HERC1: variants seen among roughly 807,000 people sequenced by gnomAD.
HERC1 encodes the protein probable E3 ubiquitin-protein ligase HERC1.
In HERC1, 160 loss-of-function variants were observed where a neutral mutation model predicts 554.3. The observed-to-expected ratio is 0.29, with a 90% CI of 0.25 to 0.33. HERC1 has a LOEUF of 0.33. Ranked by LOEUF, HERC1 falls within the 10% of genes least tolerant of loss-of-function variation. The probability of loss-of-function intolerance (pLI) is 1.00; values close to 1 mark genes in which losing one functional copy is unlikely to be tolerated. For synonymous variants in HERC1, 2,175 were observed against 2,131.7 expected (o/e 1.02, Z -0.56); for missense variants, 4,919 against 5,918.5 (o/e 0.83, Z 5.54).
chr15:63,778,004 T>C (rs867726505), intron 1 of HERC1, among the ~76,000 whole-genome samples: 1 of 152,220 alleles, frequency 6.6e-6, no homozygotes, highest in South Asian at 2.1e-4. Context: ...GACTTCTACA[T>C]AGTTGAAGAC....
chr15:63,686,407 T>C lies in HERC1; in HGVS notation c.6177A>G (p.Gly2059=). The change falls in exon 34 of 78, where the codon GGA becomes GGG. Residue 2059 remains glycine (G), a synonymous_variant. Coordinates refer to ENST00000443617, the MANE Select transcript of HERC1 (RefSeq NM_003922.4). ...TTACTCCTGTAGATGCCAATCCATATCCTTTCCCTCCACTGCCGTGAGTTA... is the reference window on the plus strand; with the variant it reads ...TTACTCCTGTAGATGCCAATCCATACCCTTTCCCTCCACTGCCGTGAGTTA... ...QILTHGSGGK[G]YGLASTGVTS... is the part of the protein sequence containing the mutation. 1 of 1,613,728 alleles carries C rather than the reference T, an allele frequency of 6.2e-7. No homozygotes were observed. The highest frequency in any genetic ancestry group is 1.3e-5 in the African/African-American group (1 of 74,998).
At chr15:63,690,995 A>C (rs1567018286) in intron 31 of HERC1, among the ~76,000 whole-genome samples, 1 of 152,322 alleles carries the variant, frequency 6.6e-6, no homozygotes, top group South Asian at 2.1e-4. Context: ...AGGCTCAGAG[A>C]AGTTATGTAA....
Position 63,716,458 on chromosome 15 carries a change from C to T in HERC1, c.3994G>A (p.Asp1332Asn), listed in dbSNP as rs759479133. Residue 1332 changes from aspartate to asparagine, a missense_variant, in exon 22 of 78, where the codon GAC becomes AAC. Physicochemically the swap from Asp to Asn is conservative, Grantham distance 23. Coordinates refer to ENST00000443617, the MANE Select transcript of HERC1 (RefSeq NM_003922.4). ...SRDRWISENQDSADVDPQEHS... is the reference protein window; with the variant it reads ...SRDRWISENQNSADVDPQEHS... ...TCCTGAGGATCAACATCTGCAGAGT[C>T]CTGGTTTTCTGATATCTTAAAGAAA... 20 of 1,601,600 alleles carry T rather than the reference C, an allele frequency of 1.2e-5. No individual in the cohort carries two copies. The highest frequency in any genetic ancestry group is 1.6e-5 in the Non-Finnish European group (19 of 1,176,092).
Position 63,635,967 on chromosome 15 carries a change from C to T in HERC1, c.12408G>A (p.Val4136=), listed in dbSNP as rs1198560724. Residue 4136 remains valine, a synonymous_variant, in exon 65 of 78, where the codon GTG becomes GTA. Transcript: ENST00000443617. ...TATCCATTTCCTGCCTGACCTGCACCACTTCTTCTCCTTGTAAGGCCTCGA... is the reference window on the plus strand; with the variant it reads ...TATCCATTTCCTGCCTGACCTGCACTACTTCTTCTCCTTGTAAGGCCTCGA... ...RQIEALQGEE[V]VQMSCGFKHS... 6.2e-7 allele frequency: 1 copy of T among 1,613,662 alleles called. No individual in the cohort carries two copies. Among genetic ancestry groups the T allele is most frequent in the Non-Finnish European group, 8.5e-7 (1 of 1,179,814 alleles).
rs1222457019 is a variant in HERC1, at chr15:63,718,715, GAA to G, written c.3858-23_3858-22del. On this transcript the variant is annotated intron_variant, in intron 20 of 77. Coordinates refer to ENST00000443617, the MANE Select transcript of HERC1 (RefSeq NM_003922.4). This position sits in a 1 kb window ranked among gnomAD's most constrained non-coding sequence, Gnocchi z 4.2. ...GATATCTAAATGAAGAACCAAAATA[GAA>G]AAGTTACCTAATTTCTGACATCATG... 4 of 1,601,198 alleles carry G rather than the reference GAA, an allele frequency of 2.5e-6. No homozygotes were observed. In the South Asian group the frequency reaches 3.3e-5, roughly 13 times the overall value.
At chr15:63,825,239 CAGTGA>C (rs2077853839) in intron 1 of HERC1, among the ~76,000 whole-genome samples, 1 of 152,122 alleles carries the variant, frequency 6.6e-6, no homozygotes, top group Non-Finnish European at 1.5e-5. Context: ...GTGGAGGTTA[CAGTGA>C]ACGCAGATCA....
At chr15:63,619,780 A>G (rs925935594) in intron 74 of HERC1, among the ~76,000 whole-genome samples, 28 of 152,162 alleles carry the variant, frequency 1.8e-4, no homozygotes, top group African/African-American at 5.8e-4. Context: ...GTTTATTTGC[A>G]TAGAGGTGTT....
chr15:63,827,149 G>T (rs2077968507), intron 1 of HERC1, among the ~76,000 whole-genome samples: 1 of 152,140 alleles, frequency 6.6e-6, no homozygotes, highest in South Asian at 2.1e-4. Flanking sequence ...AATAGGCTGG[G>T]TGCAGTGGCT....
intron 48 of HERC1, among the ~76,000 whole-genome samples, chr15:63,658,004 A>G (rs912819937): frequency 2.6e-5 from 4 of 152,172 alleles, no homozygotes; most frequent in Non-Finnish European, 4.4e-5. Flanking sequence ...CTATTTGCCT[A>G]TCCTTGAGCC....
intron 1 of HERC1, chr15:63,780,398 TAAAG>T (rs1017046745): frequency 5.3e-5 from 8 of 151,766 alleles, no homozygotes; most frequent in African/African-American, 1.7e-4. Context: ...CAACAGGAAA[TAAAG>T]AAAGAAAACA....
intron 1 of HERC1, among the ~76,000 whole-genome samples, chr15:63,805,278 TG>T (rs1433064360): frequency 6.6e-6 from 1 of 152,170 alleles, no homozygotes; most frequent in African/African-American, 2.4e-5. Context: ...AACAACACAA[TG>T]GTTATTCATT....
intron 1 of HERC1, chr15:63,779,490 T>A (rs1055412327): frequency 1.3e-5 from 2 of 152,072 alleles, no homozygotes; most frequent in African/African-American, 4.8e-5. Context: ...GAAACACTAA[T>A]AACGTGAGAC....
At position 63,727,007 on chromosome 15, in the gene HERC1, G is replaced by A. The variant is rs1018364596; in HGVS notation, c.3346+640C>T. The stretch of plus-strand genomic sequence containing the variant: ...GAAAAGAATAAACTGGCCAGGGGCG[G>A]TGGCTCCCGTCTGTAATCCCAGCAT... On this transcript the variant is annotated intron_variant, in intron 17 of 77. Coordinates refer to ENST00000443617, the MANE Select transcript of HERC1 (RefSeq NM_003922.4). This position sits in a 1 kb window ranked among gnomAD's most constrained non-coding sequence, Gnocchi z 4.3. Among the ~76,000 whole-genome samples, 2 of 152,096 alleles carry A rather than the reference G, an allele frequency of 1.3e-5. No individual in the cohort carries two copies. Among genetic ancestry groups the A allele is most frequent in the South Asian group, 4.2e-4 (2 of 4,818 alleles).
chr15:63,757,411 C>T (rs11634435), intron 4 of HERC1, among the ~76,000 whole-genome samples: 24 of 151,752 alleles, frequency 1.6e-4, no homozygotes, highest in Non-Finnish European at 2.9e-4. Context: ...TATAGGCACG[C>T]GCCATCATGC....
chr15:63,814,058 T>TCAAAAAA, intron 1 of HERC1, among the ~76,000 whole-genome samples: 1 of 152,036 alleles, frequency 6.6e-6, no homozygotes, highest in Admixed American at 6.5e-5. Context: ...AAACTCCATC[T>TCAAAAAA]CAAAAAACAA....
At chr15:63,713,895 C>T (rs8024347) in intron 22 of HERC1, 1 of 435,212 alleles carries the variant, frequency 2.3e-6, no homozygotes, top group Non-Finnish European at 4.1e-6. Flanking sequence ...TCTGCCTTTA[C>T]AGAATTTTAA....
At chr15:63,630,730 G>T in intron 68 of HERC1, 95 bp from the exon 69 acceptor site, 1 of 1,261,992 alleles carries the variant, frequency 7.9e-7, no homozygotes, top group Non-Finnish European at 1.1e-6. Context: ...TTATTATGGT[G>T]GAATGGCAAT....
At chr15:63,818,023 C>T (rs1444750173) in intron 1 of HERC1, among the ~76,000 whole-genome samples, 3 of 151,916 alleles carry the variant, frequency 2.0e-5, no homozygotes, top group Non-Finnish European at 4.4e-5. Flanking sequence ...TTCTAGAATA[C>T]CATAAGGAAT....
Position 63,692,445 on chromosome 15 carries a change from C to T in HERC1, c.5796G>A (p.Val1932=), listed in dbSNP as rs2072164932. The T allele has an allele frequency of 6.2e-7, 1 of 1,610,952 alleles. No individual in the cohort carries two copies. Among genetic ancestry groups the T allele is most frequent in the Non-Finnish European group, 8.5e-7 (1 of 1,179,126 alleles). The part of the protein sequence containing the change: ...SKMASPKWTE[V]LLNIASQKCS... ...ATTTCTGAGATGCTATATTTAGAAG[C>T]ACTTCGGTCCACTTTGGGGAAGCCA... Residue 1932 remains valine (V), a synonymous_variant, in exon 31 of 78, where the codon GTG becomes GTA. Transcript: ENST00000443617. This position sits in a 1 kb window ranked among gnomAD's most constrained non-coding sequence, Gnocchi z 4.7.
Sources: gnomAD v4.1 joint callset for allele counts (sites outside exome capture counted in the v4.1 genomes callset) on GRCh38, gnomAD v4.1.1 for gene constraint, Gnocchi (gnomAD v3.1) non-coding constraint, MANE v1.5 for transcripts, NCBI Gene and HGNC (gene_info 2026-07-23, HGNC 2026-07-21) for gene names.